The following ASTN2 variants were observed in gnomAD, a reference collection of about 807,000 sequenced individuals.
The protein encoded by ASTN2 is astrotactin-2.
ASTN2 carries 54 observed loss-of-function variants against 139.8 expected under a neutral mutation model. The observed-to-expected ratio is 0.39, with a 90% CI of 0.31 to 0.48. The LOEUF is 0.48. ASTN2 is among the 20% of genes least tolerant of loss of function. The probability of loss-of-function intolerance (pLI) is 0.95; values close to 1 mark genes in which losing one functional copy is unlikely to be tolerated. For synonymous variants in ASTN2, 756 were observed against 719.5 expected (o/e 1.05, Z -0.81); for missense variants, 1,565 against 1,725.1 (o/e 0.91, Z 1.64).
chr9:117,119,522 C>G (rs943914234), intron 4 of ASTN2, among the ~76,000 whole-genome samples: 2 of 152,166 alleles, frequency 1.3e-5, no homozygotes, highest in Admixed American at 6.5e-5. Context: ...TCCTGCATCT[C>G]ACAGCTTTCA....
intron 1 of ASTN2, among the ~76,000 whole-genome samples, chr9:117,403,233 T>C (rs1241603429): frequency 3.9e-5 from 6 of 152,168 alleles, no homozygotes; most frequent in Non-Finnish European, 1.5e-5. Context: ...GGTTAAATAA[T>C]CTGGGAACTC....
At chr9:116,684,545 T>C (rs1860081380) in intron 16 of ASTN2, among the ~76,000 whole-genome samples, 1 of 152,162 alleles carries the variant, frequency 6.6e-6, no homozygotes, top group Non-Finnish European at 1.5e-5. Context: ...TTATTTACCT[T>C]ATAGTAGGCT....
chr9:117,066,824 A>C (rs1161264574), intron 5 of ASTN2, among the ~76,000 whole-genome samples: 1 of 147,440 alleles, frequency 6.8e-6, no homozygotes, highest in Non-Finnish European at 1.5e-5. Flanking sequence ...GTGTCTGTTC[A>C]TGTCCTTCGC....
intron 3 of ASTN2, among the ~76,000 whole-genome samples, chr9:117,184,051 T>C (rs10983563): frequency 0.13 from 19,617 of 152,152 alleles, 1,473 homozygotes; most frequent in African/African-American, 0.19. Context: ...CTGACCTCCT[T>C]TCTGAGATAG....
chr9:117,043,854 G>A (rs1201465697), intron 5 of ASTN2, among the ~76,000 whole-genome samples: 1 of 148,216 alleles, frequency 6.7e-6, no homozygotes, highest in Non-Finnish European at 1.5e-5. Flanking sequence ...GTTGCAATGA[G>A]CTGAGATCGC....
At chr9:117,302,866 C>T (rs2210769) in intron 1 of ASTN2, among the ~76,000 whole-genome samples, 15,848 of 152,194 alleles carry the variant, frequency 0.1, 1,037 homozygotes, top group South Asian at 0.19. Flanking sequence ...AATTAATCCC[C>T]AGGGTCAGAC....
chr9:117,235,501 C>T (rs879488301), intron 2 of ASTN2, among the ~76,000 whole-genome samples: 1 of 152,142 alleles, frequency 6.6e-6, no homozygotes, highest in African/African-American at 2.4e-5. Flanking sequence ...ATCCTGCTCT[C>T]CAGAAAAAAT....
intron 16 of ASTN2, among the ~76,000 whole-genome samples, chr9:116,713,174 A>T (rs536514077): frequency 6.6e-6 from 1 of 152,258 alleles, no homozygotes; most frequent in Admixed American, 6.5e-5. Flanking sequence ...CACCATCTAT[A>T]TTTGTTAAAT....
At chr9:116,923,157 A>T (rs1034680265) in intron 10 of ASTN2, among the ~76,000 whole-genome samples, 8 of 152,218 alleles carry the variant, frequency 5.3e-5, no homozygotes, top group African/African-American at 1.9e-4. Flanking sequence ...ATAACAGTAC[A>T]ATTCTAACCA....
chr9:116,934,310 C>T (rs938605406), intron 10 of ASTN2, among the ~76,000 whole-genome samples: 5 of 152,000 alleles, frequency 3.3e-5, no homozygotes, highest in Admixed American at 3.3e-4. Context: ...CCCAGGAGTC[C>T]CCATCAGGAG....
intron 6 of ASTN2, among the ~76,000 whole-genome samples, chr9:117,011,244 T>A (rs1377124890): frequency 6.6e-6 from 1 of 152,182 alleles, no homozygotes; most frequent in East Asian, 1.9e-4. Context: ...AAATGGAAAG[T>A]TTGTGTCCTC....
intron 10 of ASTN2, among the ~76,000 whole-genome samples, chr9:116,946,589 A>G (rs1041754801): frequency 7.9e-5 from 12 of 152,208 alleles, no homozygotes; most frequent in African/African-American, 2.9e-4. Context: ...GGACCATAAA[A>G]TAGAAACAGG....
At chr9:117,404,745 G>C (rs1383823641) in intron 1 of ASTN2, among the ~76,000 whole-genome samples, 1 of 152,008 alleles carries the variant, frequency 6.6e-6, no homozygotes, top group Non-Finnish European at 1.5e-5. Context: ...AAAGGACATA[G>C]AGCTTATACA....
rs1228103620 is a variant in ASTN2, at chr9:116,620,334, T to A, written c.3182A>T (p.Asn1061Ile). ...LSAFDANGLP[N>I]CSPLLQPVLR... ...CACCGGCTGCAGAAGGGGGCTGCAG[T>A]TGGGGAGCCCATTGGCATCAAAGGC... Residue 1061 changes from asparagine (N) to isoleucine (I), a missense_variant, in exon 18 of 23, where the codon AAC becomes ATC. Coordinates refer to ENST00000313400, the MANE Select transcript of ASTN2 (RefSeq NM_001365068.1). The A allele has an allele frequency of 6.2e-7, 1 of 1,614,034 alleles. No homozygotes were observed. The highest frequency in any genetic ancestry group is 2.2e-5 in the East Asian group (1 of 44,880).
At chr9:117,073,811 A>C (rs1828201302) in intron 5 of ASTN2, among the ~76,000 whole-genome samples, 1 of 152,188 alleles carries the variant, frequency 6.6e-6, no homozygotes, top group Non-Finnish European at 1.5e-5. Flanking sequence ...AGAGAAGGCA[A>C]AAGTGATACC....
intron 4 of ASTN2, among the ~76,000 whole-genome samples, chr9:117,121,402 C>A (rs976722965): frequency 1.3e-5 from 2 of 152,152 alleles, no homozygotes; most frequent in African/African-American, 2.4e-5. Context: ...ACATCCCTTG[C>A]AAAATAAAGA....
intron 22 of ASTN2, among the ~76,000 whole-genome samples, chr9:116,430,287 G>A (rs138081253): frequency 6.6e-6 from 1 of 152,280 alleles, no homozygotes; most frequent in African/African-American, 2.4e-5. Context: ...TGCCTTTAAG[G>A]AACACCTTGA....
chr9:116,444,805 A>T (rs1847937245), intron 20 of ASTN2, among the ~76,000 whole-genome samples: 1 of 152,140 alleles, frequency 6.6e-6, no homozygotes, highest in South Asian at 2.1e-4. Context: ...TGCACCCAAC[A>T]TCTGTGATAG....
intron 19 of ASTN2, among the ~76,000 whole-genome samples, chr9:116,536,191 T>C (rs1851617913): frequency 6.6e-6 from 1 of 151,990 alleles, no homozygotes; most frequent in South Asian, 2.1e-4. Context: ...TATCGTGCCA[T>C]GGTTTTCAGC....
Sources: allele counts gnomAD v4.1 joint callset (sites outside exome capture counted in the v4.1 genomes callset), GRCh38; gene constraint gnomAD v4.1.1; transcripts MANE v1.5; gene names NCBI Gene and HGNC (gene_info 2026-07-23, HGNC 2026-07-21).